The following IRAK4 variants were observed in gnomAD, a reference collection of about 807,000 sequenced individuals.
IRAK4 encodes interleukin 1 receptor associated kinase 4.
In IRAK4, 44 loss-of-function variants were observed where a neutral mutation model predicts 51.8. The observed-to-expected ratio is 0.85, with a 90% CI of 0.67 to 1.09. The LOEUF (loss-of-function observed/expected upper bound fraction) is 1.09. IRAK4 is among the 50% of genes least tolerant of loss of function. The pLI, the probability that IRAK4 is intolerant of heterozygous loss-of-function variation, is 0.00. For synonymous variants in IRAK4, 149 were observed against 174.1 expected (o/e 0.86, Z 1.13); for missense variants, 487 against 538.0 (o/e 0.91, Z 0.94).
chr12:43,764,366 G>A lies in IRAK4; in HGVS notation c.-9-3737G>A, dbSNP rs549180194. On this transcript the variant is annotated intron_variant, in intron 1 of 11. Transcript: ENST00000613694. ...TTAAACCTGGGAGGCAGAGGTTGCA[G>A]TAAGCCAAAATTGCACCACTGCACT... Among the ~76,000 whole-genome samples the A allele has an allele frequency of 7.3e-4, 111 of 152,306 alleles. 1 individual carries two copies. Among genetic ancestry groups the A allele is most frequent in the African/African-American group, 2.2e-3 (90 of 41,550 alleles).
Position 43,788,067 on chromosome 12 carries a change from A to T in IRAK4, c.*1352A>T, listed in dbSNP as rs1392048288. 6.6e-6 allele frequency: 1 copy of T among 152,188 alleles called. No individual in the cohort carries two copies. The highest frequency in any genetic ancestry group is 1.9e-4 in the East Asian group (1 of 5,186). The allele number at this position is 152,188 out of a possible 1,614,324, so 9.4% of individuals were successfully genotyped here. ...GTGAGACTCCATCATAAATAAATAA[A>T]TAAATAAATGGGTCACATTAAGCCT... is the stretch of plus-strand genomic sequence containing the variant. On this transcript the variant is annotated 3_prime_UTR_variant, in exon 12 of 12. Transcript: ENST00000613694.
chr12:43,774,506 C>A (rs1236304610), intron 6 of IRAK4, among the ~76,000 whole-genome samples: 1 of 152,188 alleles, frequency 6.6e-6, no homozygotes, highest in Non-Finnish European at 1.5e-5. Context: ...CTCAGCCTCC[C>A]AAAGAGCTGG....
rs4251456 is a variant in IRAK4 at position 43,767,458 on chromosome 12, T to G, written c.-9-645T>G. ...TAAAGGGGGATTGCAGAAATAAAGA[T>G]TCTGTCTAGAGAGTAGTTGAAGTGG... On this transcript the variant is annotated intron_variant, in intron 1 of 11. Transcript: ENST00000613694. Among the ~76,000 whole-genome samples the G allele has an allele frequency of 8.3e-3, 1,268 of 152,290 alleles. 18 individuals carry two copies. Among genetic ancestry groups the G allele is most frequent in the African/African-American group, 0.028 (1,146 of 41,552 alleles).
chr12:43,773,989 CT>C lies in IRAK4; in HGVS notation c.677del (p.Leu226ArgfsTer9). 6.2e-7 allele frequency: 1 copy of C among 1,608,702 alleles called. No individual in the cohort carries two copies. Among genetic ancestry groups the C allele is most frequent in the Non-Finnish European group, 8.5e-7 (1 of 1,176,116 alleles). On this transcript the variant is annotated frameshift_variant, in exon 6 of 12. Coordinates refer to ENST00000613694, the MANE Select transcript of IRAK4 (RefSeq NM_016123.4). LOFTEE classifies it high-confidence loss of function. ...AAMVDITTEELKQQFDQEIKV... is the reference protein window; with the variant it reads ...AAMVDITTEEXKQQFDQEIKV... ...GATGGTTGACATTACTACTGAAGAA[CT>C]GAAACAGCAGTTTGATCAAGAAATA... is the stretch of plus-strand genomic sequence containing the variant.
chr12:43,777,838 C>T, intron 7 of IRAK4, 94 bp downstream of exon 7: 1 of 1,064,468 alleles, frequency 9.4e-7, no homozygotes. Context: ...ACCAAATTCA[C>T]TTTCATATTT....
At chr12:43,761,921 A>G (rs1939598587) in intron 1 of IRAK4, among the ~76,000 whole-genome samples, 1 of 152,228 alleles carries the variant, frequency 6.6e-6, no homozygotes, top group African/African-American at 2.4e-5. Flanking sequence ...TAGTGGTATG[A>G]GGAAACAGTC....
At position 43,773,145 on chromosome 12, in the gene IRAK4, T is replaced by A; in HGVS notation, c.651+73T>A. Reference sequence around the variant, plus strand: ...GCCCTATAATAGGTTTTAAAGTTAATCTTTAGGAAATACATTATTTCAGTA... The same window carrying A: ...GCCCTATAATAGGTTTTAAAGTTAAACTTTAGGAAATACATTATTTCAGTA... On this transcript the variant is annotated intron_variant, in intron 5 of 11. Transcript: ENST00000613694. 2.3e-6 allele frequency: 3 copies of A among 1,293,344 alleles called. No individual in the cohort carries two copies. The South Asian group carries it at 3.8e-5, about 17-fold the overall frequency. 80.1% of individuals were successfully genotyped at this position (1,293,344 alleles called of 1,614,324 possible).
chr12:43,769,145 T>C (rs537848147), intron 2 of IRAK4, among the ~76,000 whole-genome samples: 27 of 151,456 alleles, frequency 1.8e-4, no homozygotes, highest in Non-Finnish European at 3.0e-4. Context: ...GCTCTTCTCT[T>C]TTTTTTTTCT....
chr12:43,767,395 ATCCCTGGCTGCAGC>A (rs1940266945), intron 1 of IRAK4, among the ~76,000 whole-genome samples: 1 of 152,222 alleles, frequency 6.6e-6, no homozygotes, highest in Non-Finnish European at 1.5e-5. Flanking sequence ...TGTTAGATTT[ATCCCTGGCTGCAGC>A]TCTCCAGGAT....
At chr12:43,767,502 G>A (rs983883493) in intron 1 of IRAK4, among the ~76,000 whole-genome samples, 13 of 152,166 alleles carry the variant, frequency 8.5e-5, no homozygotes, top group Admixed American at 4.6e-4. Context: ...AGGTTTTGGC[G>A]TAGTAGCAAA....
intron 1 of IRAK4, among the ~76,000 whole-genome samples, chr12:43,760,056 G>A (rs1002488584): frequency 1.3e-5 from 2 of 152,194 alleles, no homozygotes; most frequent in African/African-American, 4.8e-5. Context: ...CTATCGGGAA[G>A]TTCAAATTTC....
intron 10 of IRAK4, among the ~76,000 whole-genome samples, chr12:43,784,068 A>AG (rs1555170999): frequency 2.6e-5 from 4 of 152,034 alleles, no homozygotes; most frequent in African/African-American, 7.2e-5. Context: ...GCATTTTCAG[A>AG]GGGGGGAAAA....
chr12:43,768,411 C>T, intron 2 of IRAK4, 139 bp downstream of exon 2: 3 of 634,354 alleles, frequency 4.7e-6, no homozygotes. Context: ...TAGGTAACCT[C>T]TTTTTGATTG....
chr12:43,775,588 A>G (rs1482929828), intron 6 of IRAK4, among the ~76,000 whole-genome samples: 2 of 152,210 alleles, frequency 1.3e-5, no homozygotes. Flanking sequence ...ACAGTCTAGC[A>G]TATGTGAAAA....
chr12:43,787,075 C>A lies in IRAK4; in HGVS notation c.*360C>A, dbSNP rs1942268791. On this transcript the variant is annotated 3_prime_UTR_variant, in exon 12 of 12. Transcript: ENST00000613694. Reference sequence around the variant, plus strand: ...ACTCCACTACTAATTTGCTGTAAAGCTTTGGACATACACTTAGCTGCTGTG... The same window carrying A: ...ACTCCACTACTAATTTGCTGTAAAGATTTGGACATACACTTAGCTGCTGTG... The A allele has an allele frequency of 8.3e-6, 2 of 241,564 alleles. No homozygotes were observed. Among genetic ancestry groups the A allele is most frequent in the East Asian group, 1.9e-4 (2 of 10,708 alleles). 15.0% of individuals were successfully genotyped at this position (241,564 alleles called of 1,614,324 possible).
Position 43,774,095 on chromosome 12 carries a change from C to A in IRAK4, c.716+66C>A, listed in dbSNP as rs1941048917. The A allele has an allele frequency of 7.6e-6, 8 of 1,054,792 alleles. No individual in the cohort carries two copies. The Admixed American group carries it at 1.4e-4, about 18-fold the overall frequency. The allele number at this position is 1,054,792 out of a possible 1,614,324, so 65.3% of individuals were successfully genotyped here. A position where few individuals can be genotyped will look rare whatever the true frequency, so the allele number is the denominator to read the frequency against. On this transcript the variant is annotated intron_variant, in intron 6 of 11. Coordinates refer to ENST00000613694, the MANE Select transcript of IRAK4 (RefSeq NM_016123.4). The stretch of plus-strand genomic sequence containing the variant: ...AAGACAAGGAGTAAAGAACCTGGTT[C>A]ACTCTAGAGTATGCCATGAACTAGT...
intron 8 of IRAK4, among the ~76,000 whole-genome samples, chr12:43,779,507 G>A (rs1186172249): frequency 6.7e-6 from 1 of 150,322 alleles, no homozygotes; most frequent in Non-Finnish European, 1.5e-5. Flanking sequence ...TTTGTAAGAA[G>A]AGGCAGTTAG....
At position 43,768,127 on chromosome 12, in the gene IRAK4, A is replaced by G; in HGVS notation, c.16A>G (p.Thr6Ala). 2 of 1,613,650 alleles carry G rather than the reference A, an allele frequency of 1.2e-6. No individual in the cohort carries two copies. The highest frequency in any genetic ancestry group is 1.7e-5 in the Admixed American group (1 of 59,950). Residue 6 changes from threonine to alanine, a missense_variant, in exon 2 of 12, where the codon ACA (threonine) becomes GCA (alanine). Transcript: ENST00000613694. ...GGAATAGAAGATGAACAAACCCATA[A>G]CACCATCAACATATGTGCGCTGCCT... is the stretch of plus-strand genomic sequence containing the variant. MNKPI[T>A]PSTYVRCLNV...
chr12:43,767,838 A>T (rs577082339), intron 1 of IRAK4, among the ~76,000 whole-genome samples: 10 of 152,320 alleles, frequency 6.6e-5, no homozygotes, highest in Admixed American at 3.3e-4. Flanking sequence ...TTACTAGGAA[A>T]ATATCAGTGT....
Sources: allele counts gnomAD v4.1 joint callset (sites outside exome capture counted in the v4.1 genomes callset), GRCh38; gene constraint gnomAD v4.1.1; transcripts MANE v1.5; gene names NCBI Gene and HGNC (gene_info 2026-07-23, HGNC 2026-07-21).